GNAQ: variants seen among roughly 807,000 people sequenced by gnomAD.
GNAQ encodes the protein guanine nucleotide-binding protein G(q) subunit alpha.
Under a neutral mutation model 43.9 loss-of-function variants are expected in GNAQ, and 8 were observed. The ratio of observed to expected loss-of-function variants is 0.18; its 90% CI spans 0.11 to 0.33. The LOEUF is 0.33. Ranked by LOEUF, GNAQ falls within the 10% of genes least tolerant of loss-of-function variation. GNAQ has a pLI of 1.00. For synonymous variants in GNAQ, 155 were observed against 170.7 expected (o/e 0.91, Z 0.71); for missense variants, 158 against 450.8 (o/e 0.35, Z 5.88).
intron 2 of GNAQ, among the ~76,000 whole-genome samples, chr9:77,819,373 C>G (rs1008159671): frequency 6.6e-6 from 1 of 152,186 alleles, no homozygotes; most frequent in African/African-American, 2.4e-5. Context: ...GAAGGAGGAA[C>G]TGAGGTCCTA....
At chr9:77,922,472 T>A in intron 1 of GNAQ, 127 bp from the exon 2 acceptor site, 1 of 658,894 alleles carries the variant, frequency 1.5e-6, no homozygotes, top group Non-Finnish European at 2.7e-6. Context: ...GACTCTAGAA[T>A]TGGAAACACT....
intron 2 of GNAQ, among the ~76,000 whole-genome samples, chr9:77,902,081 A>G (rs1828625056): frequency 6.6e-6 from 1 of 152,176 alleles, no homozygotes; most frequent in African/African-American, 2.4e-5. Flanking sequence ...TCACACCATA[A>G]CAAGTTACCT....
At chr9:77,731,223 G>A (rs979576313) in intron 5 of GNAQ, among the ~76,000 whole-genome samples, 23 of 152,266 alleles carry the variant, frequency 1.5e-4, no homozygotes, top group Admixed American at 3.9e-4. Context: ...TAGACTATGC[G>A]CAGAGACAGG....
intron 1 of GNAQ, among the ~76,000 whole-genome samples, chr9:78,026,551 T>C (rs1823982712): frequency 6.6e-6 from 1 of 152,228 alleles, no homozygotes; most frequent in South Asian, 2.1e-4. Context: ...CATATTTTGC[T>C]ATTTTTAGGG....
At chr9:77,940,516 C>T (rs1035412615) in intron 1 of GNAQ, among the ~76,000 whole-genome samples, 2 of 152,106 alleles carry the variant, frequency 1.3e-5, no homozygotes, top group African/African-American at 4.8e-5. Context: ...GAGGTCAAGG[C>T]TGCAGTGAGC....
At chr9:77,953,184 G>A (rs891973370) in intron 1 of GNAQ, among the ~76,000 whole-genome samples, 6 of 152,170 alleles carry the variant, frequency 3.9e-5, no homozygotes, top group African/African-American at 1.4e-4. Flanking sequence ...CTGCTGGTCT[G>A]GGAGTTACAC....
chr9:77,906,957 A>G (rs1172751840), intron 2 of GNAQ, among the ~76,000 whole-genome samples: 1 of 152,240 alleles, frequency 6.6e-6, no homozygotes, highest in Non-Finnish European at 1.5e-5. Flanking sequence ...TGAGATTACA[A>G]GTGATTTTTT....
At chr9:77,900,823 C>T (rs1034450002) in intron 2 of GNAQ, among the ~76,000 whole-genome samples, 5 of 152,070 alleles carry the variant, frequency 3.3e-5, no homozygotes, top group African/African-American at 7.2e-5. Flanking sequence ...TGTTAAAAGC[C>T]GCCTTCTTCT....
intron 5 of GNAQ, among the ~76,000 whole-genome samples, chr9:77,743,383 T>C (rs760007570): frequency 1.3e-4 from 20 of 152,316 alleles, no homozygotes; most frequent in Non-Finnish European, 2.5e-4. Context: ...GAAGTAACTC[T>C]TCAGGTATCC....
At chr9:77,780,321 G>T (rs1388064285) in intron 5 of GNAQ, among the ~76,000 whole-genome samples, 4 of 151,662 alleles carry the variant, frequency 2.6e-5, no homozygotes, top group African/African-American at 9.7e-5. Context: ...TTACTTCTAT[G>T]AGATCTACAG....
At chr9:77,982,021 G>A (rs1587443965) in intron 1 of GNAQ, among the ~76,000 whole-genome samples, 2 of 152,152 alleles carry the variant, frequency 1.3e-5, no homozygotes, top group African/African-American at 2.4e-5. Flanking sequence ...CTTGGTATCT[G>A]ATTTAGGTTC....
At chr9:77,862,713 C>T (rs890256311) in intron 2 of GNAQ, among the ~76,000 whole-genome samples, 9 of 152,192 alleles carry the variant, frequency 5.9e-5, no homozygotes, top group South Asian at 2.1e-4. Context: ...TTTGGTTCCT[C>T]GTTACTTATG....
At chr9:77,799,578 C>T (rs1449546900) in intron 3 of GNAQ, among the ~76,000 whole-genome samples, 1 of 151,886 alleles carries the variant, frequency 6.6e-6, no homozygotes, top group Non-Finnish European at 1.5e-5. Context: ...TGAATGATAC[C>T]CTTAAATTTG....
At chr9:78,017,033 C>T (rs962071684) in intron 1 of GNAQ, among the ~76,000 whole-genome samples, 6 of 152,132 alleles carry the variant, frequency 3.9e-5, no homozygotes, top group African/African-American at 1.4e-4. Context: ...TGAAAAGAAT[C>T]ATACAGCGTG....
chr9:77,998,400 G>A (rs904309834), intron 1 of GNAQ, among the ~76,000 whole-genome samples: 3 of 152,148 alleles, frequency 2.0e-5, no homozygotes, highest in African/African-American at 7.2e-5. Context: ...ATAAACCATT[G>A]CCTAATGCTG....
At chr9:77,857,226 G>A (rs1046561049) in intron 2 of GNAQ, among the ~76,000 whole-genome samples, 2 of 152,162 alleles carry the variant, frequency 1.3e-5, no homozygotes, top group Admixed American at 6.6e-5. Context: ...TCTTGCAACC[G>A]CGGGCCCATT....
At chr9:77,827,985 G>A (rs1375348772) in intron 2 of GNAQ, among the ~76,000 whole-genome samples, 1 of 143,708 alleles carries the variant, frequency 7.0e-6, no homozygotes, top group Non-Finnish European at 1.5e-5. Context: ...GCGTGAACCC[G>A]GGAGGCAGAG....
chr9:77,717,756 C>T lies in GNAQ; in HGVS notation c.*3567G>A, dbSNP rs1169911804. 8.6e-6 allele frequency: 2 copies of T among 231,528 alleles called. No homozygotes were observed. Among genetic ancestry groups the T allele is most frequent in the Non-Finnish European group, 1.7e-5 (2 of 117,364 alleles). 14.3% of individuals were successfully genotyped at this position (231,528 alleles called of 1,614,324 possible). On this transcript the variant is annotated 3_prime_UTR_variant, in exon 7 of 7. Coordinates refer to ENST00000286548, the MANE Select transcript of GNAQ (RefSeq NM_002072.5). ...CAAAAAAAAAAAAATACAAGTTTTA[C>T]GTGTTCTTCAGATTCCTTTTGTAGT...
intron 5 of GNAQ, among the ~76,000 whole-genome samples, chr9:77,733,717 T>A (rs990343554): frequency 6.6e-6 from 1 of 152,186 alleles, no homozygotes; most frequent in Non-Finnish European, 1.5e-5. Flanking sequence ...ACAGCCCTTG[T>A]CCTGGAAGAC....
Sources: allele counts gnomAD v4.1 joint callset (sites outside exome capture counted in the v4.1 genomes callset), GRCh38; gene constraint gnomAD v4.1.1; transcripts MANE v1.5; gene names NCBI Gene and HGNC (gene_info 2026-07-23, HGNC 2026-07-21).